Variants in SPAG16 observed in about 807,000 individuals in gnomAD.
The protein encoded by SPAG16 is sperm associated antigen 16.
SPAG16 carries 86 observed loss-of-function variants against 80.4 expected under a neutral mutation model. The ratio of observed to expected loss-of-function variants is 1.07; its 90% CI spans 0.90 to 1.28. The LOEUF (loss-of-function observed/expected upper bound fraction) is 1.28, where lower values mean the gene tolerates loss of function less well. Among genes scored for constraint, SPAG16 ranks in the 50% most tolerant of loss-of-function variants. SPAG16 has a pLI of 0.00. For synonymous variants in SPAG16, 294 were observed against 265.9 expected (o/e 1.11, Z -1.03); for missense variants, 870 against 765.3 (o/e 1.14, Z -1.61).
intron 10 of SPAG16, among the ~76,000 whole-genome samples, chr2:213,855,266 T>C (rs1206570025): frequency 3.3e-5 from 5 of 152,242 alleles, no homozygotes; most frequent in Non-Finnish European, 7.3e-5. Flanking sequence ...TCTCTGCTCT[T>C]GCTTTCATCT....
chr2:213,481,618 G>A (rs544045038), intron 9 of SPAG16, among the ~76,000 whole-genome samples: 1 of 152,258 alleles, frequency 6.6e-6, no homozygotes, highest in East Asian at 1.9e-4. Flanking sequence ...AAGCTCCTGG[G>A]GATTATGGGG....
chr2:213,721,859 A>T (rs1354464648), intron 10 of SPAG16, among the ~76,000 whole-genome samples: 1 of 152,234 alleles, frequency 6.6e-6, no homozygotes. Context: ...CTGGGAGCAA[A>T]AAGAATCAAA....
At chr2:214,155,132 ATGAGCCACACACAGAGAAC>A (rs984203620) in intron 15 of SPAG16, among the ~76,000 whole-genome samples, 19 of 152,126 alleles carry the variant, frequency 1.2e-4, no homozygotes, top group African/African-American at 2.9e-4. Context: ...CAGGAGAGTT[ATGAGCCACACACAGAGAAC>A]TGGAGATCTG....
chr2:213,400,518 G>T (rs1216159811), intron 9 of SPAG16, among the ~76,000 whole-genome samples: 1 of 152,114 alleles, frequency 6.6e-6, no homozygotes, highest in Non-Finnish European at 1.5e-5. Context: ...TGCATGGTTT[G>T]TATGAAACCA....
intron 15 of SPAG16, among the ~76,000 whole-genome samples, chr2:214,259,188 G>A (rs1282065063): frequency 1.3e-5 from 2 of 151,430 alleles, no homozygotes; most frequent in Non-Finnish European, 2.9e-5. Flanking sequence ...ATTCATTTTA[G>A]TAGGCATTTG....
At chr2:213,380,260 G>A (rs966827337) in intron 9 of SPAG16, among the ~76,000 whole-genome samples, 12 of 152,204 alleles carry the variant, frequency 7.9e-5, no homozygotes, top group African/African-American at 2.7e-4. Context: ...TTTCAGGGAT[G>A]TCCTAGAAAG....
At chr2:213,645,065 G>C (rs550631672) in intron 10 of SPAG16, among the ~76,000 whole-genome samples, 16 of 152,272 alleles carry the variant, frequency 1.1e-4, no homozygotes, top group South Asian at 4.1e-4. Context: ...CAAATCACTT[G>C]ATGCAGTTCT....
intron 12 of SPAG16, among the ~76,000 whole-genome samples, chr2:213,965,873 C>T (rs1002442403): frequency 1.2e-4 from 18 of 152,190 alleles, no homozygotes; most frequent in African/African-American, 4.1e-4. Context: ...AACATAGCTA[C>T]TCTATGAGTG....
rs78971070 is a variant in SPAG16, at chr2:214,377,292, G to A, written c.1721-32848G>A. Among the ~76,000 whole-genome samples the A allele has an allele frequency of 3.5e-4, 53 of 152,248 alleles. 3 individuals are homozygous for A. In the East Asian group the frequency reaches 9.5e-3, roughly 27 times the overall value. The stretch of plus-strand genomic sequence containing the variant: ...TTAAATAACACCGTTGGACCCATAC[G>A]AAGTGCCACTAGTGATGCCAAAAGT... On this transcript the variant is annotated intron_variant, in intron 15 of 15. Coordinates refer to ENST00000331683, the MANE Select transcript of SPAG16 (RefSeq NM_024532.5).
chr2:213,552,279 C>T (rs1449052071), intron 10 of SPAG16, among the ~76,000 whole-genome samples: 1 of 152,136 alleles, frequency 6.6e-6, no homozygotes, highest in Non-Finnish European at 1.5e-5. Context: ...GAATTGTGGA[C>T]TCTGCAGGTT....
intron 15 of SPAG16, among the ~76,000 whole-genome samples, chr2:214,211,720 T>A (rs1309851025): frequency 2.0e-5 from 3 of 152,164 alleles, no homozygotes; most frequent in Non-Finnish European, 4.4e-5. Flanking sequence ...CAGGCTTGGA[T>A]CAATTGATCA....
At chr2:213,726,933 G>A (rs370017461) in intron 10 of SPAG16, among the ~76,000 whole-genome samples, 6 of 152,220 alleles carry the variant, frequency 3.9e-5, no homozygotes, top group East Asian at 1.9e-4. Context: ...ATTCTACTCC[G>A]CAAATTTAAT....
intron 10 of SPAG16, among the ~76,000 whole-genome samples, chr2:213,726,129 T>G (rs2066760023): frequency 6.6e-6 from 1 of 152,194 alleles, no homozygotes; most frequent in Non-Finnish European, 1.5e-5. Context: ...CCTGCTGAAG[T>G]TCACTTTGCC....
chr2:214,089,335 G>A (rs905051461), intron 13 of SPAG16, among the ~76,000 whole-genome samples: 4 of 152,078 alleles, frequency 2.6e-5, no homozygotes, highest in African/African-American at 9.7e-5. Context: ...TTTACATTAT[G>A]TACCAAAAGC....
At chr2:213,505,754 G>A (rs1338272678) in intron 10 of SPAG16, among the ~76,000 whole-genome samples, 3 of 151,724 alleles carry the variant, frequency 2.0e-5, no homozygotes, top group Admixed American at 6.6e-5. Context: ...TTAACAATTT[G>A]GATAACCATT....
chr2:213,975,617 G>A (rs181139595), intron 12 of SPAG16, among the ~76,000 whole-genome samples: 136 of 151,656 alleles, frequency 9.0e-4, no homozygotes, highest in Non-Finnish European at 1.4e-3. Context: ...ATAATGTAGC[G>A]GGGAAAACAG....
At chr2:213,489,184 C>T (rs2074129915) in intron 9 of SPAG16, among the ~76,000 whole-genome samples, 1 of 151,836 alleles carries the variant, frequency 6.6e-6, no homozygotes, top group African/African-American at 2.4e-5. Flanking sequence ...AGCCTTCTCT[C>T]AGAGCAATTT....
chr2:213,532,861 A>G (rs1466464397), intron 10 of SPAG16, among the ~76,000 whole-genome samples: 4 of 152,170 alleles, frequency 2.6e-5, no homozygotes, highest in South Asian at 4.1e-4. Flanking sequence ...TTATGCTTCT[A>G]TCTTATAACC....
chr2:213,684,503 GA>G (rs548670721), intron 10 of SPAG16, among the ~76,000 whole-genome samples: 42 of 152,068 alleles, frequency 2.8e-4, no homozygotes, highest in Non-Finnish European at 3.7e-4. Flanking sequence ...TCACATATTA[GA>G]AAAAAAGTTA....
Sources: allele counts gnomAD v4.1 joint callset (sites outside exome capture counted in the v4.1 genomes callset), GRCh38; gene constraint gnomAD v4.1.1; transcripts MANE v1.5; gene names NCBI Gene and HGNC (gene_info 2026-07-23, HGNC 2026-07-21).